Variants in PRMT8 observed in about 807,000 individuals in gnomAD.
PRMT8 encodes protein arginine methyltransferase 8, also known as protein arginine N-methyltransferase 8.
Under a neutral mutation model 47.1 loss-of-function variants are expected in PRMT8, and 7 were observed. The ratio of observed to expected loss-of-function variants is 0.15; its 90% confidence interval spans 0.08 to 0.28. The LOEUF is 0.28. Among genes scored for constraint, PRMT8 ranks in the 10% least tolerant of loss-of-function variants. The probability of loss-of-function intolerance (pLI) is 1.00; values close to 1 mark genes in which losing one functional copy is unlikely to be tolerated. For synonymous variants in PRMT8, 188 were observed against 186.5 expected (o/e 1.01, Z -0.07); for missense variants, 237 against 505.4 (o/e 0.47, Z 5.09).
intron 1 of PRMT8, among the ~76,000 whole-genome samples, chr12:3,397,885 C>G (rs7961710): frequency 6.6e-6 from 1 of 152,146 alleles, no homozygotes; most frequent in Non-Finnish European, 1.5e-5. Context: ...TAGGACCCTC[C>G]GAGCCAGGTG....
chr12:3,384,200 G>A (rs947030686), intron 1 of PRMT8, among the ~76,000 whole-genome samples: 1 of 151,430 alleles, frequency 6.6e-6, no homozygotes, highest in African/African-American at 2.4e-5. Flanking sequence ...AATGTGAGCT[G>A]TAAATATTTT....
intron 1 of PRMT8, chr12:3,381,467 C>A (rs746634019): frequency 1.3e-6 from 2 of 1,535,114 alleles, no homozygotes; most frequent in South Asian, 1.2e-5. Context: ...ATGGTAATTT[C>A]TTTCCTTTCT....
chr12:3,442,610 G>C (rs1467021461), intron 1 of PRMT8, among the ~76,000 whole-genome samples: 1 of 152,188 alleles, frequency 6.6e-6, no homozygotes, highest in African/African-American at 2.4e-5. Flanking sequence ...AGGCTAGGGA[G>C]CCCAGGCCAG....
Position 3,540,615 on chromosome 12 carries a change from C to CCCCCCGGG in PRMT8, c.90_91insGGGCCCCC (p.Ser31GlyfsTer38). ...CTTCTCTTCCCCTCAGGTGAACAGC[C>CCCCCCGGG]CCCCCTCCCAGCCCCCCCAGCCCGT... On this transcript the variant is annotated frameshift_variant, in exon 2 of 10. Coordinates refer to ENST00000382622, the MANE Select transcript of PRMT8 (RefSeq NM_019854.5). LOFTEE classifies it high-confidence loss of function. 2 of 1,058,778 alleles carry CCCCCCGGG rather than the reference C, an allele frequency of 1.9e-6. No individual in the cohort carries two copies. The highest frequency in any genetic ancestry group is 2.9e-6 in the Non-Finnish European group (2 of 684,576). 65.6% of individuals were successfully genotyped at this position (1,058,778 alleles called of 1,614,324 possible).
At chr12:3,411,328 C>G (rs1565401228) in intron 1 of PRMT8, among the ~76,000 whole-genome samples, 1 of 152,178 alleles carries the variant, frequency 6.6e-6, no homozygotes, top group Middle Eastern at 3.2e-3. Context: ...TCTTGATTTC[C>G]TTCCTCTTTC....
Position 3,552,786 on chromosome 12 carries a change from G to T in PRMT8, c.418-865G>T, listed in dbSNP as rs900907224. On this transcript the variant is annotated intron_variant, in intron 3 of 9. Coordinates refer to ENST00000382622, the MANE Select transcript of PRMT8 (RefSeq NM_019854.5). This position sits in a 1 kb window ranked among gnomAD's most constrained non-coding sequence, Gnocchi z 4.5. ...TTTGCGAGTACTTCTCAAGGGAATGGTCCCTGCCCGAGGCCTGGGGGTAGT... is the reference window on the plus strand; with the variant it reads ...TTTGCGAGTACTTCTCAAGGGAATGTTCCCTGCCCGAGGCCTGGGGGTAGT... 4 of 469,876 alleles carry T rather than the reference G, an allele frequency of 8.5e-6. No homozygotes were observed. The highest frequency in any genetic ancestry group is 1.7e-5 in the Non-Finnish European group (4 of 234,164). 29.1% of individuals were successfully genotyped at this position (469,876 alleles called of 1,614,324 possible).
rs60661129 is a variant in PRMT8, at chr12:3,534,823, G to A, written c.76-5783G>A. On this transcript the variant is annotated intron_variant, in intron 1 of 9. Transcript: ENST00000382622. ...CCGAACTGAGCTAACCATGGCATCAGTTTCAAGAGCACAGGTTTTGGCATA... is the reference window on the plus strand; with the variant it reads ...CCGAACTGAGCTAACCATGGCATCAATTTCAAGAGCACAGGTTTTGGCATA... Among the ~76,000 whole-genome samples the A allele has an allele frequency of 1.1e-3, 169 of 152,328 alleles. 1 individual carries two copies. Among genetic ancestry groups the A allele is most frequent in the African/African-American group, 3.8e-3 (159 of 41,580 alleles).
chr12:3,454,361 GCAGC>G (rs776995421), intron 1 of PRMT8, among the ~76,000 whole-genome samples: 15 of 152,284 alleles, frequency 9.9e-5, no homozygotes, highest in Middle Eastern at 3.4e-3. Context: ...AAGAGGGCAG[GCAGC>G]CACCTGGGCT....
Position 3,569,660 on chromosome 12 carries a change from A to T in PRMT8, c.712+96A>T. 1 of 962,244 alleles carries T rather than the reference A, an allele frequency of 1.0e-6. No homozygotes were observed. Among genetic ancestry groups the T allele is most frequent in the Non-Finnish European group, 1.7e-6 (1 of 589,932 alleles). 59.6% of individuals were successfully genotyped at this position (962,244 alleles called of 1,614,324 possible). A position where few individuals can be genotyped will look rare whatever the true frequency, so the allele number is the denominator to read the frequency against. ...GAGATGAGCAGGCAGTGACATGAAC[A>T]CCATTGCTGTCCCTGAAGAGGAGCT... On this transcript the variant is annotated intron_variant, in intron 6 of 9. Transcript: ENST00000382622. This position sits in a 1 kb window ranked among gnomAD's most constrained non-coding sequence, Gnocchi z 8.2.
At chr12:3,577,505 C>T (rs943664514) in intron 7 of PRMT8, among the ~76,000 whole-genome samples, 4 of 151,920 alleles carry the variant, frequency 2.6e-5, no homozygotes, top group South Asian at 2.1e-4. Context: ...TTTGCCCCAG[C>T]GGCCTGCCAG....
At chr12:3,408,527 G>A (rs538318985) in intron 1 of PRMT8, among the ~76,000 whole-genome samples, 4 of 152,296 alleles carry the variant, frequency 2.6e-5, no homozygotes, top group Admixed American at 2.6e-4. Flanking sequence ...GTGAACCACT[G>A]CACCCAACTG....
At chr12:3,395,041 T>G (rs1389277173) in intron 1 of PRMT8, among the ~76,000 whole-genome samples, 1 of 151,778 alleles carries the variant, frequency 6.6e-6, no homozygotes, top group Non-Finnish European at 1.5e-5. Context: ...TGTATTTCTG[T>G]GGGATTGGTG....
At chr12:3,540,921 T>C (rs1267878059) in intron 2 of PRMT8, 130 bp downstream of exon 2, 3 of 1,117,298 alleles carry the variant, frequency 2.7e-6, no homozygotes, top group Non-Finnish European at 3.8e-6. Context: ...CTGAGTCCTC[T>C]GACCCTTTCT....
chr12:3,479,557 G>A lies in PRMT8; in HGVS notation c.49-61049G>A, dbSNP rs74057453. Among the ~76,000 whole-genome samples the A allele has an allele frequency of 1.0e-3, 153 of 152,140 alleles. 1 individual carries two copies. Among genetic ancestry groups the A allele is most frequent in the African/African-American group, 3.6e-3 (148 of 41,498 alleles). On this transcript the variant is annotated intron_variant, in intron 1 of 9. Coordinates refer to the PRMT8 transcript ENST00000452611. ...GAACCAGTTTCCTCAGATAGCCATC[G>A]TCTCAATTTTTTAAGAAAAAAAAAT...
At chr12:3,475,660 G>A (rs1201136976) in intron 1 of PRMT8, among the ~76,000 whole-genome samples, 1 of 152,154 alleles carries the variant, frequency 6.6e-6, no homozygotes, top group Non-Finnish European at 1.5e-5. Flanking sequence ...AGAAGTGGAG[G>A]CAGATTGCAA....
At position 3,538,768 on chromosome 12, in the gene PRMT8, G is replaced by A. The variant is rs1866167222; in HGVS notation, c.76-1838G>A. 1.9e-6 allele frequency: 1 copy of A among 518,106 alleles called. No homozygotes were observed. 32.1% of individuals were successfully genotyped at this position (518,106 alleles called of 1,614,324 possible). On this transcript the variant is annotated intron_variant, in intron 1 of 9. Coordinates refer to ENST00000382622, the MANE Select transcript of PRMT8 (RefSeq NM_019854.5). This position sits in a 1 kb window ranked among gnomAD's most constrained non-coding sequence, Gnocchi z 4.6. ...CACAGTCTATTTTTAGCCTCCCAGA[G>A]ACCGTGACCAACATCCCAAGCTGAG...
At chr12:3,521,888 TTG>T in intron 1 of PRMT8, among the ~76,000 whole-genome samples, 2 of 149,568 alleles carry the variant, frequency 1.3e-5, no homozygotes, top group African/African-American at 5.0e-5. Flanking sequence ...ATACCTAAAT[TTG>T]GCCTGGTAGA....
intron 1 of PRMT8, among the ~76,000 whole-genome samples, chr12:3,479,332 T>C (rs969985721): frequency 1.3e-5 from 2 of 152,236 alleles, no homozygotes; most frequent in African/African-American, 4.8e-5. Context: ...CATCTGTCTC[T>C]TGGCTTTTCC....
intron 7 of PRMT8, among the ~76,000 whole-genome samples, chr12:3,581,767 A>G (rs1460572709): frequency 6.6e-6 from 1 of 152,310 alleles, no homozygotes; most frequent in South Asian, 2.1e-4. Context: ...AGAAGATGTC[A>G]TGGCTACACA....
Sources: gnomAD v4.1 joint callset for allele counts (sites outside exome capture counted in the v4.1 genomes callset) on GRCh38, gnomAD v4.1.1 for gene constraint, Gnocchi (gnomAD v3.1) non-coding constraint, MANE v1.5 for transcripts, NCBI Gene and HGNC (gene_info 2026-07-23, HGNC 2026-07-21) for gene names.